The following RUBCNL variants were observed in gnomAD, a reference collection of about 807,000 sequenced individuals.
The protein encoded by RUBCNL is rubicon like autophagy enhancer.
A neutral mutation model predicts 69.5 loss-of-function variants in RUBCNL; 62 were observed. The ratio of observed to expected loss-of-function variants is 0.89; its 90% CI spans 0.73 to 1.10. The LOEUF is 1.10. Ranked by LOEUF, RUBCNL falls within the 50% of genes least tolerant of loss-of-function variation. RUBCNL has a pLI of 0.00. For synonymous variants in RUBCNL, 291 were observed against 303.6 expected (o/e 0.96, Z 0.43); for missense variants, 768 against 798.1 (o/e 0.96, Z 0.45).
chr13:46,343,697 T>A (rs560472302), intron 14 of RUBCNL, among the ~76,000 whole-genome samples, 200 bp from the exon 15 acceptor site: 1 of 152,078 alleles, frequency 6.6e-6, no homozygotes, highest in Non-Finnish European at 1.5e-5. Flanking sequence ...CAACAGGTCA[T>A]GAACAGGAGG....
Position 46,362,537 on chromosome 13 carries a change from C to T in RUBCNL, c.986+1G>A, listed in dbSNP as rs201786371. On this transcript the variant is annotated splice_donor_variant, in intron 7 of 14. Coordinates refer to ENST00000429979, the MANE Select transcript of RUBCNL (RefSeq NM_025113.5). LOFTEE classifies it high-confidence loss of function. ...GTGCACTGTGCACAGAAGACAGATA[C>T]CTCTTAGAGGAGCTGCAGGAACAGC... 1.8e-5 allele frequency: 29 copies of T among 1,604,880 alleles called. No individual in the cohort carries two copies. Among genetic ancestry groups the T allele is most frequent in the Non-Finnish European group, 2.3e-5 (27 of 1,174,456 alleles).
rs561163817 is a variant in RUBCNL, at chr13:46,362,484, C to T, written c.986+54G>A. 8.0e-5 allele frequency: 99 copies of T among 1,240,246 alleles called. No homozygotes were observed. The African/African-American group carries it at 1.3e-3, about 17-fold the overall frequency. The allele number at this position is 1,240,246 out of a possible 1,614,324, so 76.8% of individuals were successfully genotyped here. ...TGTCAGAGGCCTAGGTTTCACACTG[C>T]CTCAGAGGTGACAGCCCAAGGGTCT... On this transcript the variant is annotated intron_variant, in intron 7 of 14. Transcript: ENST00000429979.
intron 8 of RUBCNL, 93 bp downstream of exon 8, chr13:46,361,348 A>G: frequency 7.2e-7 from 1 of 1,382,024 alleles, no homozygotes; most frequent in Non-Finnish European, 9.9e-7. Context: ...TCCAGTGACC[A>G]TACAAGGAAA....
rs114504064 is a variant in RUBCNL at position 46,349,537 on chromosome 13, G to A, written c.1570-190C>T. On this transcript the variant is annotated intron_variant, in intron 11 of 14. Coordinates refer to ENST00000429979, the MANE Select transcript of RUBCNL (RefSeq NM_025113.5). ...CTGATCCACAAAGTGTGCCCTGGATGGATCCAGGTTTTGTAGAACCTAAAA... is the reference window on the plus strand; with the variant it reads ...CTGATCCACAAAGTGTGCCCTGGATAGATCCAGGTTTTGTAGAACCTAAAA... Among the ~76,000 whole-genome samples the A allele has an allele frequency of 6.3e-3, 953 of 152,284 alleles. 10 individuals carry two copies. The highest frequency in any genetic ancestry group is 0.021 in the African/African-American group (872 of 41,554).
chr13:46,361,881 A>G (rs1462467747), intron 7 of RUBCNL, among the ~76,000 whole-genome samples: 2 of 152,156 alleles, frequency 1.3e-5, no homozygotes, highest in Non-Finnish European at 1.5e-5. Context: ...CCCGAAGCAC[A>G]TCCTATATAT....
At chr13:46,354,279 G>C (rs146173223) in intron 10 of RUBCNL, among the ~76,000 whole-genome samples, 102 of 152,190 alleles carry the variant, frequency 6.7e-4, no homozygotes, top group African/African-American at 2.4e-3. Flanking sequence ...AATAAAGCCT[G>C]GGGTTTCATT....
chr13:46,371,980 A>C lies in RUBCNL; in HGVS notation c.496T>G (p.Phe166Val). The C allele has an allele frequency of 6.2e-7, 1 of 1,614,016 alleles. No individual in the cohort carries two copies. Among genetic ancestry groups the C allele is most frequent in the Non-Finnish European group, 8.5e-7 (1 of 1,179,884 alleles). The part of the protein sequence containing the change: ...TSPYPETDSA[F>V]FEPSHLTSAA... ...GATGTCAGATGGGAAGGCTCAAAAA[A>C]AGCACTGTCAGTCTCAGGATATGGG... The change falls in exon 3 of 15, where the codon TTT becomes GTT. Residue 166 changes from phenylalanine to valine, a missense_variant. Transcript: ENST00000429979.
At chr13:46,359,424 G>C in intron 9 of RUBCNL, 62 bp downstream of exon 9, 1 of 1,442,826 alleles carries the variant, frequency 6.9e-7, no homozygotes, top group Admixed American at 2.1e-5. Context: ...CATAGAGTCA[G>C]GTGGGATCTG....
At chr13:46,344,361 T>A (rs1363068433) in intron 14 of RUBCNL, among the ~76,000 whole-genome samples, 1 of 152,196 alleles carries the variant, frequency 6.6e-6, no homozygotes. Context: ...CTGAGGGCCA[T>A]GTGGTCTCTA....
intron 1 of RUBCNL, among the ~76,000 whole-genome samples, chr13:46,382,401 T>C (rs367795867): frequency 6.6e-6 from 1 of 150,452 alleles, no homozygotes; most frequent in African/African-American, 2.4e-5. Flanking sequence ...GAAGTAAAAG[T>C]GAAATTGTCA....
upstream of RUBCNL, among the ~76,000 whole-genome samples, chr13:46,388,809 C>G (rs2049303732): frequency 6.6e-6 from 1 of 152,222 alleles, no homozygotes; most frequent in South Asian, 2.1e-4. Context: ...CCTGGTACCT[C>G]TGGCATGGAG....
In RUBCNL at chr13:46,368,137, A is replaced by G. The variant is rs1231039739; in HGVS notation, c.731T>C (p.Leu244Ser). The G allele has an allele frequency of 1.2e-6, 2 of 1,614,026 alleles. No individual in the cohort carries two copies. Among genetic ancestry groups the G allele is most frequent in the Non-Finnish European group, 1.7e-6 (2 of 1,179,878 alleles). The change falls in exon 5 of 15, where the codon TTA (leucine) becomes TCA (serine). Residue 244 changes from leucine (L) to serine (S), a missense_variant. Coordinates refer to ENST00000429979, the MANE Select transcript of RUBCNL (RefSeq NM_025113.5). ...AGAGTCAGGCTGATCACTCCCAAGT[A>G]ACCCACTGACTTCTTTACTCCAGCT... ...TESWSKEVSG[L>S]LGSDQPDSEM...
At chr13:46,376,460 T>C (rs2048996884) in intron 2 of RUBCNL, among the ~76,000 whole-genome samples, 1 of 151,900 alleles carries the variant, frequency 6.6e-6, no homozygotes, top group Non-Finnish European at 1.5e-5. Flanking sequence ...TATCACAGAG[T>C]ACAGCTGGTT....
chr13:46,382,133 G>A (rs1321142119), intron 1 of RUBCNL, among the ~76,000 whole-genome samples: 1 of 152,060 alleles, frequency 6.6e-6, no homozygotes, highest in African/African-American at 2.4e-5. Flanking sequence ...TGAAGCATTT[G>A]GCATGTAAAT....
chr13:46,387,712 G>C (rs2049282396), upstream of RUBCNL: 1 of 985,556 alleles, frequency 1.0e-6, no homozygotes, highest in Non-Finnish European at 1.2e-6. Flanking sequence ...ACCTCTGCTG[G>C]CTGCTTCACC....
intron 10 of RUBCNL, among the ~76,000 whole-genome samples, chr13:46,352,031 T>C (rs1159088492): frequency 6.6e-6 from 1 of 152,116 alleles, no homozygotes; most frequent in East Asian, 1.9e-4. Flanking sequence ...TTTCACTATG[T>C]TGGCCAGGCT....
intron 10 of RUBCNL, among the ~76,000 whole-genome samples, chr13:46,353,639 G>GA (rs1271675823): frequency 1.3e-5 from 2 of 152,168 alleles, no homozygotes; most frequent in Non-Finnish European, 2.9e-5. Flanking sequence ...CAGTGCACAG[G>GA]ACCCCCCACG....
In RUBCNL at chr13:46,338,026, T is replaced by A. The variant is rs934677743; in HGVS notation, c.*5359A>T. Among the ~76,000 whole-genome samples the A allele has an allele frequency of 6.6e-6, 1 of 152,028 alleles. No individual in the cohort carries two copies. Among genetic ancestry groups the A allele is most frequent in the Non-Finnish European group, 1.5e-5 (1 of 67,998 alleles). The stretch of plus-strand genomic sequence containing the variant: ...AGCTGTCCCCAGTAGAATAATGAGG[T>A]AAATGCAGATATCAGAGTGTAAGGA... On this transcript the variant is annotated 3_prime_UTR_variant, in exon 15 of 15. Transcript: ENST00000429979.
At position 46,345,521 on chromosome 13, in the gene RUBCNL, T is replaced by G. The variant is rs751666035; in HGVS notation, c.1711A>C (p.Ile571Leu). 3.1e-6 allele frequency: 5 copies of G among 1,611,712 alleles called. No individual in the cohort carries two copies. Among genetic ancestry groups the G allele is most frequent in the Non-Finnish European group, 3.4e-6 (4 of 1,178,928 alleles). ...AAGGGTGCCAGCAGCCCTTTCTTGA[T>G]CCTGACCAGGTCCTCAAGGGAGAAC... ...HLFSLEDLVRIKKGLLAPLLK... is the reference protein window; with the variant it reads ...HLFSLEDLVRLKKGLLAPLLK... The change falls in exon 13 of 15, where the codon ATC becomes CTC. Residue 571 changes from isoleucine (I) to leucine (L), a missense_variant. By Grantham distance (5) the Ile-to-Leu change is conservative. Coordinates refer to ENST00000429979, the MANE Select transcript of RUBCNL (RefSeq NM_025113.5).
Sources: gnomAD v4.1 joint callset for allele counts (sites outside exome capture counted in the v4.1 genomes callset) on GRCh38, gnomAD v4.1.1 for gene constraint, MANE v1.5 for transcripts, NCBI Gene and HGNC (gene_info 2026-07-23, HGNC 2026-07-21) for gene names.